The following HPS1 variants were observed in gnomAD, a reference collection of about 807,000 sequenced individuals.
HPS1 encodes the protein HPS1 biogenesis of lysosomal organelles complex 3 subunit 1.
In HPS1, 59 loss-of-function variants were observed where a neutral mutation model predicts 90.6. That is an observed-to-expected ratio of 0.65 (90% CI 0.53 to 0.81). The LOEUF (loss-of-function observed/expected upper bound fraction) is 0.81, where lower values mean the gene tolerates loss of function less well. Ranked by LOEUF, HPS1 falls within the 30% of genes least tolerant of loss-of-function variation. The pLI is 0.00. For synonymous variants in HPS1, 388 were observed against 384.4 expected, an observed-to-expected ratio of 1.01 and a Z score of -0.11; for missense variants, 849 against 896.7, an observed-to-expected ratio of 0.95 and a Z score of 0.68.
Position 98,423,657 on chromosome 10 carries a change from G to A in HPS1, c.1544C>T (p.Thr515Met), listed in dbSNP as rs145327298. The A allele has an allele frequency of 4.8e-5, 77 of 1,613,934 alleles. No homozygotes were observed. The highest frequency in any genetic ancestry group is 3.6e-4 in the African/African-American group (27 of 74,914). Residue 515 changes from threonine (T) to methionine (M), a missense_variant, in exon 16 of 20, where the codon ACG becomes ATG. Coordinates refer to ENST00000361490, the MANE Select transcript of HPS1 (RefSeq NM_000195.5). Reference protein sequence around the residue: ...QVQRLMREKLTDWKDFLLVKS... With the variant: ...QVQRLMREKLMDWKDFLLVKS... ...CACCAGCAAGAAGTCCTTCCAGTCC[G>A]TCAGCTTCTCCCTGCCGAGGGAAGC...
chr10:98,432,956 C>T (rs1460120718), intron 6 of HPS1, among the ~76,000 whole-genome samples: 9 of 152,126 alleles, frequency 5.9e-5, no homozygotes, highest in Admixed American at 3.3e-4. Flanking sequence ...GTTCTAGGGC[C>T]GGGCACTGTG....
chr10:98,429,710 C>T (rs1846121799), intron 9 of HPS1, 68 bp from the exon 10 acceptor site: 1 of 1,614,008 alleles, frequency 6.2e-7, no homozygotes, highest in Admixed American at 1.7e-5. Context: ...CCTGCTCTCC[C>T]AGGAGGGATG....
At chr10:98,426,744 T>TTG (rs1845651062) in intron 11 of HPS1, among the ~76,000 whole-genome samples, 1 of 117,084 alleles carries the variant, frequency 8.5e-6, no homozygotes, top group Middle Eastern at 4.0e-3. Flanking sequence ...TGTACATATG[T>TTG]AGTGTGTGTG....
intron 3 of HPS1, among the ~76,000 whole-genome samples, chr10:98,440,970 A>T (rs1230221105): frequency 6.6e-6 from 1 of 152,238 alleles, no homozygotes; most frequent in Non-Finnish European, 1.5e-5. Flanking sequence ...CAGTTAGCTT[A>T]AATAAAACCA....
downstream of HPS1, chr10:98,415,266 C>T (rs555962527): frequency 6.4e-6 from 8 of 1,250,978 alleles, no homozygotes; most frequent in African/African-American, 1.2e-4. Flanking sequence ...AGGCCCCCTC[C>T]ACCATGCATT....
rs904220262 is a variant in HPS1, at chr10:98,416,665, C to G, written c.*899G>C. On this transcript the variant is annotated 3_prime_UTR_variant, in exon 20 of 20. Transcript: ENST00000361490. Reference sequence around the variant, plus strand: ...GCAGTGGACGCTGACTTTCGCCACGCCGTCCTCTCTGGCCCAGCACCGGCC... The same window carrying G: ...GCAGTGGACGCTGACTTTCGCCACGGCGTCCTCTCTGGCCCAGCACCGGCC... 22 of 152,536 alleles carry G rather than the reference C, an allele frequency of 1.4e-4. No individual in the cohort carries two copies. The highest frequency in any genetic ancestry group is 5.0e-4 in the African/African-American group (21 of 41,592). 9.4% of individuals were successfully genotyped at this position (152,536 alleles called of 1,614,324 possible). A position where few individuals can be genotyped will look rare whatever the true frequency, so the allele number is the denominator to read the frequency against.
In HPS1 at chr10:98,423,750, T is replaced by TA; in HGVS notation, c.1532+2dup. On this transcript the variant is annotated splice_region_variant and intron_variant, in intron 15 of 19. Coordinates refer to ENST00000361490, the MANE Select transcript of HPS1 (RefSeq NM_000195.5). ...GCCACCCAGGGGGCCGCACTGCACT[T>TA]ACCGCATGAGCCTCTGCACTTGGTC... 1 of 1,614,108 alleles carries TA rather than the reference T, an allele frequency of 6.2e-7. No individual in the cohort carries two copies. Among genetic ancestry groups the TA allele is most frequent in the Non-Finnish European group, 8.5e-7 (1 of 1,180,026 alleles).
In HPS1 at chr10:98,424,168, G is replaced by A. The variant is rs566304697; in HGVS notation, c.1397+145C>T. Reference sequence around the variant, plus strand: ...AAGGAGCTTCCCAGCTTCTCCACGCGGTGCTCCACGTATGTGGGAAGAAAT... The same window carrying A: ...AAGGAGCTTCCCAGCTTCTCCACGCAGTGCTCCACGTATGTGGGAAGAAAT... On this transcript the variant is annotated intron_variant, in intron 14 of 19. Transcript: ENST00000361490. 45 of 757,866 alleles carry A rather than the reference G, an allele frequency of 5.9e-5. No homozygotes were observed. In the South Asian group the frequency reaches 6.1e-4, roughly 10 times the overall value. 46.9% of individuals were successfully genotyped at this position (757,866 alleles called of 1,614,324 possible). A position where few individuals can be genotyped will look rare whatever the true frequency, so the allele number is the denominator to read the frequency against.
At position 98,442,680 on chromosome 10, in the gene HPS1, A is replaced by AT. The variant is rs367748982; in HGVS notation, c.117+443dup. The AT allele has an allele frequency of 2.1e-3, 527 of 246,996 alleles. 4 individuals carry two copies. The highest frequency in any genetic ancestry group is 8.9e-3 in the African/African-American group (393 of 44,390). 15.3% of individuals were successfully genotyped at this position (246,996 alleles called of 1,614,324 possible). ...ACCACCACACCTGGCTAATTTTTGT[A>AT]TTTTTTTTGTAGAGACAGGGTTTCG... is the stretch of plus-strand genomic sequence containing the variant. On this transcript the variant is annotated intron_variant, in intron 3 of 19. Transcript: ENST00000361490.
chr10:98,430,637 C>G lies in HPS1; in HGVS notation c.702G>C (p.Leu234=). The change falls in exon 8 of 20, where the codon CTG becomes CTC. Residue 234 remains leucine (L), a synonymous_variant. Coordinates refer to ENST00000361490, the MANE Select transcript of HPS1 (RefSeq NM_000195.5). ...HSASSLRPAD[L]LALILLVQDL... ...CCTGAACCAGGAGGATGAGGGCAAG[C>G]AGGTCGGCCGGGCGCAGGGAGCTGG... is the stretch of plus-strand genomic sequence containing the variant. 1 of 1,555,674 alleles carries G rather than the reference C, an allele frequency of 6.4e-7. No individual in the cohort carries two copies. The highest frequency in any genetic ancestry group is 8.7e-7 in the Non-Finnish European group (1 of 1,148,958).
At chr10:98,425,234 C>T (rs953134389) in intron 13 of HPS1, among the ~76,000 whole-genome samples, 1 of 152,372 alleles carries the variant, frequency 6.6e-6, no homozygotes, top group South Asian at 2.1e-4. Flanking sequence ...GGCTCTGGCT[C>T]CACTGCTCAT....
Position 98,425,668 on chromosome 10 carries a change from G to A in HPS1, c.1208C>T (p.Ser403Phe), listed in dbSNP as rs1165227071. 2 of 1,613,536 alleles carry A rather than the reference G, an allele frequency of 1.2e-6. No individual in the cohort carries two copies. The highest frequency in any genetic ancestry group is 1.7e-5 in the Admixed American group (1 of 60,024). ...LVLSQLMDGF[S>F]MLEKKLKEGP... ...TTCCTTCAGCTTCTTCTCCAGCATG[G>A]AGAAGCCATCCATCAGCTGGGACAG... The change falls in exon 13 of 20, where the codon TCC becomes TTC. Residue 403 changes from serine to phenylalanine, a missense_variant. By Grantham distance (155) the Ser-to-Phe change is radical. Transcript: ENST00000361490.
At chr10:98,419,095 C>T (rs1465731206) in intron 18 of HPS1, among the ~76,000 whole-genome samples, 1 of 152,146 alleles carries the variant, frequency 6.6e-6, no homozygotes, top group African/African-American at 2.4e-5. Context: ...GGTCAGGAAT[C>T]CCTGCCCCAG....
intron 3 of HPS1, among the ~76,000 whole-genome samples, chr10:98,441,594 A>G (rs61873923): frequency 0.13 from 19,574 of 152,240 alleles, 1,525 homozygotes; most frequent in South Asian, 0.22. Flanking sequence ...CTGAAAGAAA[A>G]TATTTGTAAA....
At chr10:98,421,122 A>C (rs1441291556) in intron 17 of HPS1, among the ~76,000 whole-genome samples, 1 of 152,220 alleles carries the variant, frequency 6.6e-6, no homozygotes, top group Non-Finnish European at 1.5e-5. Flanking sequence ...AGACTCGAGG[A>C]GCCCTCTCCT....
At chr10:98,434,489 T>C (rs1847005824) in intron 5 of HPS1, among the ~76,000 whole-genome samples, 1 of 150,366 alleles carries the variant, frequency 6.7e-6, no homozygotes, top group South Asian at 2.1e-4. Context: ...CACTGGCCAC[T>C]GTGATTCATG....
intron 10 of HPS1, chr10:98,429,172 G>T: frequency 2.9e-6 from 3 of 1,044,268 alleles, no homozygotes; most frequent in South Asian, 5.1e-5. Flanking sequence ...TTTTTTTATT[G>T]TTTACCCACA....
chr10:98,424,832 C>A (rs1845385500), intron 13 of HPS1, among the ~76,000 whole-genome samples: 1 of 152,138 alleles, frequency 6.6e-6, no homozygotes, highest in Non-Finnish European at 1.5e-5. Flanking sequence ...CCTTAGGACA[C>A]CCTGAGGCAC....
At chr10:98,427,901 A>G (rs552741497) in intron 10 of HPS1, among the ~76,000 whole-genome samples, 1 of 152,312 alleles carries the variant, frequency 6.6e-6, no homozygotes, top group East Asian at 1.9e-4. Flanking sequence ...CATCTTAAAC[A>G]CCTGATTTAC....
Sources: allele counts gnomAD v4.1 joint callset (sites outside exome capture counted in the v4.1 genomes callset), GRCh38; gene constraint gnomAD v4.1.1; transcripts MANE v1.5; gene names NCBI Gene and HGNC (gene_info 2026-07-23, HGNC 2026-07-21).